Variants in ADAMTS2 observed in about 807,000 individuals in gnomAD.
ADAMTS2 encodes ADAM metallopeptidase with thrombospondin type 1 motif 2.
ADAMTS2 carries 50 observed loss-of-function variants against 123.0 expected under a neutral mutation model. That is an observed-to-expected ratio of 0.41 (90% CI 0.32 to 0.51). ADAMTS2 has a LOEUF of 0.51. ADAMTS2 is among the 20% of genes least tolerant of loss of function. The pLI is 0.35. For missense variants in ADAMTS2, 1,494 were observed against 1,705.2 expected, an observed-to-expected ratio of 0.88 and a Z score of 2.18; for synonymous variants, 678 against 695.4, an observed-to-expected ratio of 0.98 and a Z score of 0.39.
rs1762639589 is a variant in ADAMTS2 at position 179,115,265 on chromosome 5, T to G, written c.3179-941A>C. Among the ~76,000 whole-genome samples, 1 of 152,132 alleles carries G rather than the reference T, an allele frequency of 6.6e-6. No individual in the cohort carries two copies. Among genetic ancestry groups the G allele is most frequent in the African/African-American group, 2.4e-5 (1 of 41,424 alleles). ...GGCTATGTTCATTCAACCCATCAACTCTTCTTGCGCTCACACTCTCTTTAC... is the reference window on the plus strand; with the variant it reads ...GGCTATGTTCATTCAACCCATCAACGCTTCTTGCGCTCACACTCTCTTTAC... On this transcript the variant is annotated intron_variant, in intron 21 of 21. Coordinates refer to ENST00000251582, the MANE Select transcript of ADAMTS2 (RefSeq NM_014244.5). This position sits in a 1 kb window ranked among gnomAD's most constrained non-coding sequence, Gnocchi z 4.4.
At chr5:179,153,090 G>A (rs10076252) in intron 9 of ADAMTS2, among the ~76,000 whole-genome samples, 37,906 of 152,116 alleles carry the variant, frequency 0.25, 4,795 homozygotes, top group Middle Eastern at 0.32. Flanking sequence ...GAGTGCTCCT[G>A]TGCCTGCCGC....
intron 4 of ADAMTS2, among the ~76,000 whole-genome samples, chr5:179,199,176 C>A (rs929317703): frequency 6.6e-6 from 1 of 152,238 alleles, no homozygotes; most frequent in Admixed American, 6.5e-5. Context: ...TGGGGCTTGA[C>A]CCTCTGCAGC....
At chr5:179,344,236 GC>G (rs576131578) in intron 1 of ADAMTS2, 75 bp from the exon 2 acceptor site, 34 of 1,507,296 alleles carry the variant, frequency 2.3e-5, no homozygotes, top group East Asian at 9.9e-5. Context: ...GGCAAGCCAC[GC>G]CCCCCCAGAC....
At chr5:179,125,574 C>T (rs1244842318) in intron 18 of ADAMTS2, among the ~76,000 whole-genome samples, 1 of 152,212 alleles carries the variant, frequency 6.6e-6, no homozygotes, top group Admixed American at 6.5e-5. Context: ...TGTGGATTCC[C>T]TCAGCACGCT....
At chr5:179,315,331 G>GGAAAGCACTGAGGCCACAGTTCGCTTCT (rs1195221011) in intron 2 of ADAMTS2, among the ~76,000 whole-genome samples, 1 of 49,076 alleles carries the variant, frequency 2.0e-5, no homozygotes, top group Non-Finnish European at 4.3e-5. Context: ...ACAGTGCTTT[G>GGAAAGCACTGAGGCCACAGTTCGCTTCT]GGAAGGTCAT....
At chr5:179,223,835 A>G (rs1302678408) in intron 3 of ADAMTS2, among the ~76,000 whole-genome samples, 1 of 152,182 alleles carries the variant, frequency 6.6e-6, no homozygotes, top group Non-Finnish European at 1.5e-5. Flanking sequence ...TCAGGCACAC[A>G]CATGCACACA....
At chr5:179,135,213 C>T (rs924722840) in intron 13 of ADAMTS2, among the ~76,000 whole-genome samples, 6 of 151,380 alleles carry the variant, frequency 4.0e-5, no homozygotes, top group Non-Finnish European at 8.8e-5. Flanking sequence ...CCTGCGCCCA[C>T]TCCCCTAGAG....
At chr5:179,258,949 T>G (rs13169291) in intron 3 of ADAMTS2, among the ~76,000 whole-genome samples, 41,218 of 152,110 alleles carry the variant, frequency 0.27, 7,084 homozygotes, top group Non-Finnish European at 0.36. Flanking sequence ...ATCCGGCCGC[T>G]GCTCTCATTC....
chr5:179,114,468 T>C (rs1762626392), intron 21 of ADAMTS2, 144 bp from the exon 22 acceptor site: 13 of 814,936 alleles, frequency 1.6e-5, no homozygotes, highest in Non-Finnish European at 2.4e-5. Flanking sequence ...AAAGTCTGTG[T>C]GGGTTCAGTG....
intron 2 of ADAMTS2, among the ~76,000 whole-genome samples, chr5:179,297,973 T>C (rs1304534821): frequency 6.6e-6 from 1 of 151,956 alleles, no homozygotes; most frequent in Admixed American, 6.6e-5. Context: ...CACGCACCAA[T>C]GCCCATGGCC....
intron 2 of ADAMTS2, among the ~76,000 whole-genome samples, chr5:179,306,166 A>T (rs1361618586): frequency 6.6e-6 from 1 of 152,096 alleles, no homozygotes; most frequent in Non-Finnish European, 1.5e-5. Context: ...AATATCCCTC[A>T]TGAACCTATA....
intron 2 of ADAMTS2, among the ~76,000 whole-genome samples, chr5:179,321,948 C>T (rs183913519): frequency 3.9e-5 from 6 of 152,254 alleles, no homozygotes; most frequent in Non-Finnish European, 7.3e-5. Flanking sequence ...AAAGATGTTC[C>T]GGCAGAACAC....
intron 2 of ADAMTS2, among the ~76,000 whole-genome samples, chr5:179,337,459 T>C (rs1480395170): frequency 6.6e-6 from 1 of 152,152 alleles, no homozygotes; most frequent in East Asian, 1.9e-4. Context: ...TACTCCTACA[T>C]GCAAGACATG....
At chr5:179,257,576 G>A (rs115440839) in intron 3 of ADAMTS2, among the ~76,000 whole-genome samples, 1,606 of 152,332 alleles carry the variant, frequency 0.011, 24 homozygotes, top group African/African-American at 0.035. Context: ...GCTGGCTCCC[G>A]CTGATGCGCT....
intron 2 of ADAMTS2, among the ~76,000 whole-genome samples, chr5:179,339,114 C>T (rs1757697297): frequency 6.6e-6 from 1 of 152,256 alleles, no homozygotes; most frequent in African/African-American, 2.4e-5. Flanking sequence ...CTCCTCCCTT[C>T]TTGTATGATA....
intron 2 of ADAMTS2, among the ~76,000 whole-genome samples, chr5:179,322,548 A>G (rs1581274958): frequency 6.6e-6 from 1 of 152,268 alleles, no homozygotes; most frequent in Non-Finnish European, 1.5e-5. Context: ...CACATCAGAC[A>G]CCGGGAGACG....
rs1756747480 is a variant in ADAMTS2 at position 179,308,816 on chromosome 5, G to A, written c.534+34951C>T. The stretch of plus-strand genomic sequence containing the variant: ...GCCTCCTCTTCCTTCCCACCCCAGG[G>A]GCCCTGGGATGCAGCTAGGCCAGCT... On this transcript the variant is annotated intron_variant, in intron 2 of 21. Transcript: ENST00000251582. This position sits in a 1 kb window ranked among gnomAD's most constrained non-coding sequence, Gnocchi z 6.6. 1.3e-5 allele frequency among the ~76,000 whole-genome samples: 2 copies of A among 152,100 alleles called. No individual in the cohort carries two copies. The highest frequency in any genetic ancestry group is 4.1e-4 in the South Asian group (2 of 4,824).
At chr5:179,322,850 G>A (rs139779696) in intron 2 of ADAMTS2, among the ~76,000 whole-genome samples, 140 of 152,320 alleles carry the variant, frequency 9.2e-4, no homozygotes, top group African/African-American at 3.1e-3. Flanking sequence ...ACAAGCTGGC[G>A]CCAGACCCCT....
Position 179,132,429 on chromosome 5 carries a change from C to G in ADAMTS2, c.2210-119G>C, listed in dbSNP as rs1001817722. 2.9e-6 allele frequency: 3 copies of G among 1,027,048 alleles called. No individual in the cohort carries two copies. In the African/African-American group the frequency reaches 4.8e-5, roughly 16 times the overall value. 63.6% of individuals were successfully genotyped at this position (1,027,048 alleles called of 1,614,324 possible). On this transcript the variant is annotated intron_variant, in intron 14 of 21. Coordinates refer to ENST00000251582, the MANE Select transcript of ADAMTS2 (RefSeq NM_014244.5). This position sits in a 1 kb window ranked among gnomAD's most constrained non-coding sequence, Gnocchi z 6.1. ...CTCCTCCGGAGGCTCTCCCAGGACCCTGGTATTTCTCTGGCTTTGAGGACC... is the reference window on the plus strand; with the variant it reads ...CTCCTCCGGAGGCTCTCCCAGGACCGTGGTATTTCTCTGGCTTTGAGGACC...
Sources: allele counts gnomAD v4.1 joint callset (sites outside exome capture counted in the v4.1 genomes callset), GRCh38; gene constraint gnomAD v4.1.1; non-coding constraint Gnocchi (gnomAD v3.1); transcripts MANE v1.5; gene names NCBI Gene and HGNC (gene_info 2026-07-23, HGNC 2026-07-21).